The following POTEI variants were observed in gnomAD, a reference collection of about 807,000 sequenced individuals.
POTEI encodes POTE ankyrin domain family, member I.
Under a neutral mutation model 43.4 loss-of-function variants are expected in POTEI, and 14 were observed. That is an observed-to-expected ratio of 0.32 (90% CI 0.21 to 0.50). POTEI has a LOEUF of 0.50. POTEI is among the 20% of genes least tolerant of loss of function. POTEI has a pLI of 0.98. For missense variants in POTEI, 235 were observed against 795.4 expected (o/e 0.30, Z 8.47); for synonymous variants, 95 against 297.9 (o/e 0.32, Z 7.01).
chr2:130,502,278 T>C (rs1308867698), intron 3 of POTEI, among the ~76,000 whole-genome samples: 3 of 11,306 alleles, frequency 2.7e-4, no homozygotes, highest in African/African-American at 4.4e-4. Flanking sequence ...AGACTTACTG[T>C]ATCAAAATAT....
chr2:130,508,917 G>T lies in POTEI; in HGVS notation c.319C>A (p.Pro107Thr). 1 of 1,595,390 alleles carries T rather than the reference G, an allele frequency of 6.3e-7. No individual in the cohort carries two copies. The highest frequency in any genetic ancestry group is 8.5e-7 in the Non-Finnish European group (1 of 1,173,794). Residue 107 changes from proline (P) to threonine (T), a missense_variant, in exon 1 of 15, where the codon CCC becomes ACC. Pro to Thr is a conservative substitution (Grantham distance 38, BLOSUM62 -1). Transcript: ENST00000451531. ...KMGKWCCHCFPCCRGSGKSNV... is the reference protein window; with the variant it reads ...KMGKWCCHCFTCCRGSGKSNV... Reference sequence around the variant, plus strand: ...CTCTTGCCGCTCCCCCTGCAGCAGGGGAAGCAGTGGCAGCACCACTTGCCC... The same window carrying T: ...CTCTTGCCGCTCCCCCTGCAGCAGGTGAAGCAGTGGCAGCACCACTTGCCC...
chr2:130,507,291 T>C (rs1418032614), intron 1 of POTEI, among the ~76,000 whole-genome samples: 1 of 9,386 alleles, frequency 1.1e-4, no homozygotes, highest in Admixed American at 2.3e-3. Context: ...TATATATATA[T>C]ATATATATAT....
chr2:130,477,273 T>C (rs1315170991), intron 10 of POTEI, among the ~76,000 whole-genome samples: 1 of 146,974 alleles, frequency 6.8e-6, no homozygotes, highest in Non-Finnish European at 1.5e-5. Context: ...CCTGCTTCAG[T>C]CTCCTGAGTA....
At chr2:130,484,975 A>G (rs2105092294) in intron 9 of POTEI, among the ~76,000 whole-genome samples, 1 of 152,410 alleles carries the variant, frequency 6.6e-6, no homozygotes, top group African/African-American at 2.4e-5. Flanking sequence ...TGACACTGAC[A>G]TTTTTGGCAG....
intron 13 of POTEI, among the ~76,000 whole-genome samples, chr2:130,468,707 G>C (rs866784091): frequency 2.6e-5 from 4 of 151,210 alleles, no homozygotes; most frequent in East Asian, 1.9e-4. Flanking sequence ...AACTATTGGG[G>C]GGGGGGGTAT....
chr2:130,461,818 A>G lies in POTEI; in HGVS notation c.*998T>C. 1 of 151,752 alleles carries G rather than the reference A, an allele frequency of 6.6e-6. No homozygotes were observed. 9.4% of individuals were successfully genotyped at this position (151,752 alleles called of 1,614,324 possible). A position where few individuals can be genotyped will look rare whatever the true frequency, so the allele number is the denominator to read the frequency against. On this transcript the variant is annotated 3_prime_UTR_variant, in exon 15 of 15. Coordinates refer to ENST00000451531, the MANE Select transcript of POTEI (RefSeq NM_001277406.2). ...TACTCTCCAAAGCCCGCAGGCTGGA[A>G]TGACTAAGTTGCCTGAACGGGAAAG...
At chr2:130,477,577 C>T (rs563799905) in intron 10 of POTEI, among the ~76,000 whole-genome samples, 1 of 148,968 alleles carries the variant, frequency 6.7e-6, no homozygotes, top group African/African-American at 2.5e-5. Context: ...ACCACCTAAA[C>T]TGTACATTAT....
chr2:130,507,396 GTA>G (rs1558896093), intron 1 of POTEI, among the ~76,000 whole-genome samples: 5 of 5,192 alleles, frequency 9.6e-4, no homozygotes, highest in Non-Finnish European at 1.9e-3. Context: ...GTATATATAT[GTA>G]TATATGTGTA....
intron 9 of POTEI, among the ~76,000 whole-genome samples, chr2:130,482,813 A>G (rs1485925239): frequency 6.9e-6 from 1 of 144,966 alleles, no homozygotes; most frequent in Non-Finnish European, 1.5e-5. Flanking sequence ...AGAAAAACCA[A>G]TGGATGTTAA....
chr2:130,506,645 AT>A (rs1684155544), intron 1 of POTEI, among the ~76,000 whole-genome samples: 1 of 120,702 alleles, frequency 8.3e-6, no homozygotes, highest in African/African-American at 3.0e-5. Flanking sequence ...AGTAGCTGGG[AT>A]TACAGGTGCG....
chr2:130,473,719 T>G (rs1966718), intron 13 of POTEI, among the ~76,000 whole-genome samples: 1 of 27,212 alleles, frequency 3.7e-5, no homozygotes, highest in African/African-American at 4.8e-5. Context: ...GTATTATATA[T>G]GCTTACTCTG....
chr2:130,483,972 A>G (rs1055847463), intron 9 of POTEI, among the ~76,000 whole-genome samples: 4 of 150,196 alleles, frequency 2.7e-5, no homozygotes, highest in Admixed American at 2.7e-4. Flanking sequence ...TTAGGTAGCT[A>G]CATCCAATAT....
intron 13 of POTEI, among the ~76,000 whole-genome samples, chr2:130,472,606 G>A (rs1683066425): frequency 1.2e-4 from 1 of 8,040 alleles, no homozygotes; most frequent in African/African-American, 1.4e-4. Context: ...CCAATTCTAG[G>A]ACAGTTGACA....
intron 10 of POTEI, among the ~76,000 whole-genome samples, chr2:130,480,551 CT>C (rs1252321846): frequency 7.1e-6 from 1 of 140,978 alleles, no homozygotes; most frequent in Admixed American, 7.2e-5. Flanking sequence ...AAATGTCATT[CT>C]TCTGCTTCTT....
At chr2:130,480,489 A>T (rs1185345473) in intron 10 of POTEI, among the ~76,000 whole-genome samples, 8 of 149,966 alleles carry the variant, frequency 5.3e-5, no homozygotes, top group African/African-American at 2.0e-4. Flanking sequence ...GGGCAATCTC[A>T]TTAGATGTTC....
intron 6 of POTEI, among the ~76,000 whole-genome samples, chr2:130,492,921 A>C (rs1816693): frequency 6.6e-6 from 1 of 151,786 alleles, no homozygotes; most frequent in African/African-American, 2.4e-5. Context: ...TACCCAGTCC[A>C]TAAATTCTAA....
At chr2:130,482,567 C>G (rs1683428966) in intron 9 of POTEI, among the ~76,000 whole-genome samples, 1 of 150,054 alleles carries the variant, frequency 6.7e-6, no homozygotes, top group Non-Finnish European at 1.5e-5. Context: ...ATCTTGGAAT[C>G]CCAAATAAAA....
chr2:130,507,303 TATATATATATATATACAC>T (rs1684194937), intron 1 of POTEI, among the ~76,000 whole-genome samples: 1 of 11,508 alleles, frequency 8.7e-5, no homozygotes, highest in Non-Finnish European at 1.0e-3. Context: ...TATATATATA[TATATATATATATATACAC>T]ACACACACAC....
Position 130,509,011 on chromosome 2 carries a change from A to C in POTEI, c.225T>G (p.Ser75Arg), listed in dbSNP as rs28754532. 1 of 1,239,872 alleles carries C rather than the reference A, an allele frequency of 8.1e-7. No individual in the cohort carries two copies. The highest frequency in any genetic ancestry group is 1.1e-6 in the Non-Finnish European group (1 of 886,044). 76.8% of individuals were successfully genotyped at this position (1,239,872 alleles called of 1,614,324 possible). ...CCHCFPCCRG[S>R]GKSNVGTSGD... ...CAGAAGTGCCCACGTTGCTCTTGCC[A>C]CTCCCCCTGCAGCAGGGGAAGCAGT... is the stretch of plus-strand genomic sequence containing the variant. The change falls in exon 1 of 15, where the codon AGT becomes AGG. Residue 75 changes from serine to arginine, a missense_variant. Ser to Arg is a moderately radical substitution (Grantham distance 110, BLOSUM62 -1). Transcript: ENST00000451531.
Sources: gnomAD v4.1 joint callset for allele counts (sites outside exome capture counted in the v4.1 genomes callset) on GRCh38, gnomAD v4.1.1 for gene constraint, MANE v1.5 for transcripts, NCBI Gene and HGNC (gene_info 2026-07-23, HGNC 2026-07-21) for gene names.